PPP2R2C: variants seen among roughly 807,000 people sequenced by gnomAD.
PPP2R2C encodes protein phosphatase 2, regulatory subunit B, gamma.
Under a neutral mutation model 45.3 loss-of-function variants are expected in PPP2R2C, and 10 were observed. That is an observed-to-expected ratio of 0.22 (90% CI 0.14 to 0.37). The LOEUF (loss-of-function observed/expected upper bound fraction) is 0.37. Among genes scored for constraint, PPP2R2C ranks in the 10% least tolerant of loss-of-function variants. The probability of loss-of-function intolerance (pLI) is 1.00; values close to 1 mark genes in which losing one functional copy is unlikely to be tolerated. For missense variants in PPP2R2C, 308 were observed against 619.7 expected (o/e 0.50, Z 5.34); for synonymous variants, 257 against 245.4 (o/e 1.05, Z -0.44).
chr4:6,449,573 C>A (rs528443771), intron 1 of PPP2R2C, among the ~76,000 whole-genome samples: 2 of 152,366 alleles, frequency 1.3e-5, no homozygotes, highest in African/African-American at 2.4e-5. Flanking sequence ...GTCCTGTCGG[C>A]CATCCTCACC....
At chr4:6,361,637 T>C (rs1173055736) in intron 5 of PPP2R2C, among the ~76,000 whole-genome samples, 1 of 152,254 alleles carries the variant, frequency 6.6e-6, no homozygotes, top group African/African-American at 2.4e-5. Context: ...GAAAAAAGCA[T>C]ACAGCTAAGC....
At chr4:6,342,209 A>G (rs980175839) in intron 6 of PPP2R2C, among the ~76,000 whole-genome samples, 2 of 151,014 alleles carry the variant, frequency 1.3e-5, no homozygotes, top group African/African-American at 4.8e-5. Context: ...CGTAGACATC[A>G]GTCTCTTCAA....
Position 6,510,980 on chromosome 4 carries a change from C to CAAAAAAAAA in PPP2R2C, c.49+24282_49+24290dup, listed in dbSNP as rs752037080. 1.8e-3 allele frequency among the ~76,000 whole-genome samples: 74 copies of CAAAAAAAAA among 41,252 alleles called. 4 individuals carry two copies. Among genetic ancestry groups the CAAAAAAAAA allele is most frequent in the South Asian group, 6.1e-3 (4 of 652 alleles). The allele number at this position is 41,252 out of a possible 152,430, so 27.1% of individuals were successfully genotyped here. ...CAACAGAGTGAGACTCCGTCTCAAA[C>CAAAAAAAAA]AAAAAAAAACAAACAAACAAAAAAA... On this transcript the variant is annotated intron_variant, in intron 2 of 9. Transcript: ENST00000506140.
chr4:6,399,374 A>G (rs952002992), intron 1 of PPP2R2C, among the ~76,000 whole-genome samples: 10 of 152,232 alleles, frequency 6.6e-5, no homozygotes, highest in African/African-American at 2.4e-5. Flanking sequence ...AATCCCCTCA[A>G]CGTAATCGAG....
At position 6,378,308 on chromosome 4, in the gene PPP2R2C, CAT is replaced by C; in HGVS notation, c.334+97_334+98del. 6.3e-7 allele frequency: 1 copy of C among 1,575,582 alleles called. No individual in the cohort carries two copies. Among genetic ancestry groups the C allele is most frequent in the Non-Finnish European group, 8.6e-7 (1 of 1,164,538 alleles). On this transcript the variant is annotated intron_variant, in intron 3 of 8. Transcript: ENST00000382599. This position sits in a 1 kb window ranked among gnomAD's most constrained non-coding sequence, Gnocchi z 5.2. ...TATTATTTTCTAGGCGTTCTGAAGA[CAT>C]AGAAAAATGCTCACAATATAAGTGA...
intron 1 of PPP2R2C, among the ~76,000 whole-genome samples, chr4:6,561,106 TC>T: frequency 6.6e-6 from 1 of 152,264 alleles, no homozygotes; most frequent in Admixed American, 6.5e-5. Context: ...AGCAGGAACA[TC>T]AGGTACCAAC....
chr4:6,411,559 T>A (rs1005436156), intron 1 of PPP2R2C, among the ~76,000 whole-genome samples: 2 of 150,866 alleles, frequency 1.3e-5, no homozygotes, highest in African/African-American at 4.9e-5. Context: ...CATTTCTTTT[T>A]TTTTTTTTTT....
intron 6 of PPP2R2C, among the ~76,000 whole-genome samples, chr4:6,334,597 C>T (rs963555436): frequency 6.6e-6 from 1 of 152,082 alleles, no homozygotes; most frequent in African/African-American, 2.4e-5. Context: ...GCTGAAGTAG[C>T]GTGGGGACTA....
rs749316411 is a variant in PPP2R2C at position 6,479,632 on chromosome 4, A to G, written c.49+55639T>C. Among the ~76,000 whole-genome samples the G allele has an allele frequency of 6.4e-4, 98 of 152,202 alleles. No homozygotes were observed. In the Middle Eastern group the frequency reaches 0.02, roughly 32 times the overall value. ...GGAAGTAAAGGAAAATATAAAAGTT[A>G]TGGTCCTGAGTCCAAATGTAATTGC... is the stretch of plus-strand genomic sequence containing the variant. On this transcript the variant is annotated intron_variant, in intron 2 of 9. Coordinates refer to the PPP2R2C transcript ENST00000506140.
At chr4:6,546,177 G>T (rs896483427) in intron 1 of PPP2R2C, among the ~76,000 whole-genome samples, 37 of 152,304 alleles carry the variant, frequency 2.4e-4, no homozygotes, top group African/African-American at 8.7e-4. Context: ...TCAGGTTTAT[G>T]GTCAGGATCT....
intron 5 of PPP2R2C, among the ~76,000 whole-genome samples, chr4:6,363,578 CA>C (rs796223255): frequency 4.9e-4 from 67 of 136,254 alleles, no homozygotes; most frequent in East Asian, 8.4e-4. Context: ...GTCTCCATCT[CA>C]AAAAAAAAAA....
intron 1 of PPP2R2C, among the ~76,000 whole-genome samples, chr4:6,432,923 C>A (rs1719703865): frequency 6.6e-6 from 1 of 152,154 alleles, no homozygotes; most frequent in Admixed American, 6.5e-5. Context: ...TCAGCCTACT[C>A]AACATGAAGA....
intron 1 of PPP2R2C, among the ~76,000 whole-genome samples, chr4:6,455,935 C>G (rs1414494791): frequency 6.6e-6 from 1 of 152,134 alleles, no homozygotes; most frequent in Admixed American, 6.5e-5. Context: ...TGCATCCCTG[C>G]CCCTCACACC....
At chr4:6,460,604 C>CA (rs1721273207) in intron 1 of PPP2R2C, among the ~76,000 whole-genome samples, 1 of 152,134 alleles carries the variant, frequency 6.6e-6, no homozygotes, top group African/African-American at 2.4e-5. Flanking sequence ...AGTAGATGCT[C>CA]AAAAACCATC....
chr4:6,544,685 C>T (rs987448439), intron 1 of PPP2R2C, among the ~76,000 whole-genome samples: 3 of 152,210 alleles, frequency 2.0e-5, no homozygotes, highest in Admixed American at 1.3e-4. Flanking sequence ...AAGTGTCCCC[C>T]TGTGCTCGGG....
intron 1 of PPP2R2C, chr4:6,381,600 C>T (rs1371224602): frequency 6.8e-7 from 1 of 1,462,198 alleles, no homozygotes; most frequent in Non-Finnish European, 9.0e-7. Flanking sequence ...ATTACCCCCT[C>T]TCCTTCAGAC....
At chr4:6,367,783 C>G (rs1714462067) in intron 5 of PPP2R2C, among the ~76,000 whole-genome samples, 2 of 152,210 alleles carry the variant, frequency 1.3e-5, no homozygotes, top group South Asian at 4.1e-4. Context: ...CAAGCGGCAA[C>G]AGGCCATGGG....
intron 5 of PPP2R2C, chr4:6,349,714 C>A (rs1222910509): frequency 2.3e-5 from 16 of 697,336 alleles, no homozygotes; most frequent in Non-Finnish European, 2.6e-5. Context: ...CAAGCCTGAC[C>A]AACATTGCAA....
intron 6 of PPP2R2C, 21 bp from the exon 7 acceptor site, chr4:6,333,752 T>C: frequency 2.5e-6 from 4 of 1,613,602 alleles, no homozygotes; most frequent in Non-Finnish European, 2.5e-6. Flanking sequence ...AGAGAAGCAA[T>C]GGCCGTCACT....
Sources: gnomAD v4.1 joint callset for allele counts (sites outside exome capture counted in the v4.1 genomes callset) on GRCh38, gnomAD v4.1.1 for gene constraint, Gnocchi (gnomAD v3.1) non-coding constraint, MANE v1.5 for transcripts, NCBI Gene and HGNC (gene_info 2026-07-23, HGNC 2026-07-21) for gene names.